The following XYLT1 variants were observed in gnomAD, a reference collection of about 807,000 sequenced individuals.
The protein encoded by XYLT1 is xylosyltransferase 1.
A neutral mutation model predicts 91.3 loss-of-function variants in XYLT1; 36 were observed. The observed-to-expected ratio is 0.39, with a 90% CI of 0.30 to 0.52. The LOEUF (loss-of-function observed/expected upper bound fraction) is 0.52, where lower values mean the gene tolerates loss of function less well. Among genes scored for constraint, XYLT1 ranks in the 20% least tolerant of loss-of-function variants. XYLT1 has a pLI of 0.68. For synonymous variants in XYLT1, 588 were observed against 532.0 expected (o/e 1.11, Z -1.45); for missense variants, 1,242 against 1,284.5 (o/e 0.97, Z 0.51).
At chr16:17,395,685 T>C (rs1378562899) in intron 1 of XYLT1, among the ~76,000 whole-genome samples, 1 of 152,226 alleles carries the variant, frequency 6.6e-6, no homozygotes, top group African/African-American at 2.4e-5. Flanking sequence ...GCCAAACTTC[T>C]AAAGCAGATC....
intron 2 of XYLT1, among the ~76,000 whole-genome samples, chr16:17,276,725 C>G (rs1267935087): frequency 1.3e-5 from 2 of 152,052 alleles, no homozygotes; most frequent in Non-Finnish European, 2.9e-5. Context: ...CGATGGGCAC[C>G]GTCCGATGAA....
chr16:17,329,906 T>A (rs188524071), intron 2 of XYLT1, among the ~76,000 whole-genome samples: 1 of 152,148 alleles, frequency 6.6e-6, no homozygotes. Context: ...AAAAATAGCA[T>A]AGGTTCCAGA....
intron 2 of XYLT1, among the ~76,000 whole-genome samples, chr16:17,315,845 T>A (rs1267312232): frequency 2.0e-5 from 3 of 152,148 alleles, no homozygotes; most frequent in African/African-American, 7.2e-5. Context: ...TTAGATGACC[T>A]TGCCCTGATC....
intron 6 of XYLT1, among the ~76,000 whole-genome samples, chr16:17,143,017 C>T (rs1186726014): frequency 3.3e-5 from 5 of 152,132 alleles, no homozygotes; most frequent in African/African-American, 1.2e-4. Context: ...TAACTATATA[C>T]ATATAATCAT....
At chr16:17,408,231 TG>T (rs1328947196) in intron 1 of XYLT1, among the ~76,000 whole-genome samples, 1 of 152,202 alleles carries the variant, frequency 6.6e-6, no homozygotes, top group Admixed American at 6.5e-5. Flanking sequence ...AAGGAATAAA[TG>T]ATGTTTTGCT....
At chr16:17,131,865 G>A (rs774523077) in intron 9 of XYLT1, among the ~76,000 whole-genome samples, 2 of 152,238 alleles carry the variant, frequency 1.3e-5, no homozygotes, top group Admixed American at 6.5e-5. Context: ...TTGGGATAAG[G>A]GTCTTTTGTC....
At chr16:17,425,612 T>C (rs2036307800) in intron 1 of XYLT1, among the ~76,000 whole-genome samples, 1 of 152,246 alleles carries the variant, frequency 6.6e-6, no homozygotes, top group Admixed American at 6.5e-5. Flanking sequence ...CCTTTGTTAA[T>C]TGTTCATAGG....
intron 2 of XYLT1, among the ~76,000 whole-genome samples, chr16:17,277,979 G>A (rs891850099): frequency 6.6e-6 from 1 of 152,146 alleles, no homozygotes; most frequent in African/African-American, 2.4e-5. Flanking sequence ...AGAGAGGCCG[G>A]CTGCCTGGCT....
intron 1 of XYLT1, among the ~76,000 whole-genome samples, chr16:17,434,265 C>T (rs959910701): frequency 3.3e-5 from 5 of 152,170 alleles, no homozygotes; most frequent in Admixed American, 2.0e-4. Context: ...CAGAATGAAG[C>T]ATGTCCCATC....
chr16:17,117,778 T>C lies in XYLT1; in HGVS notation c.2425A>G (p.Lys809Glu), dbSNP rs147183404. 1.3e-4 allele frequency: 214 copies of C among 1,613,982 alleles called. No individual in the cohort carries two copies. Among genetic ancestry groups the C allele is most frequent in the Non-Finnish European group, 1.5e-4 (181 of 1,180,016 alleles). The change falls in exon 11 of 12, where the codon AAG becomes GAG. Residue 809 changes from lysine (K) to glutamate (E), a missense_variant. Physicochemically the swap from Lys to Glu is moderately conservative, Grantham distance 56. Coordinates refer to ENST00000261381, the MANE Select transcript of XYLT1 (RefSeq NM_022166.4). Reference protein sequence around the residue: ...IESTAEFTHYKPPLNLPLRPG... With the variant: ...IESTAEFTHYEPPLNLPLRPG... ...CTCAGGGGCAAGTTCAAAGGGGGCT[T>C]GTAGTGTGTGAATTCGGCAGTGGAC...
intron 1 of XYLT1, among the ~76,000 whole-genome samples, chr16:17,365,516 C>T (rs1266789651): frequency 6.6e-6 from 1 of 152,180 alleles, no homozygotes; most frequent in African/African-American, 2.4e-5. Context: ...AAATAGGGCT[C>T]AGGGGAGAAA....
chr16:17,265,594 GAA>G (rs1167014466), intron 2 of XYLT1, among the ~76,000 whole-genome samples: 1 of 152,200 alleles, frequency 6.6e-6, no homozygotes, highest in Non-Finnish European at 1.5e-5. Context: ...TTATTCTGGA[GAA>G]ATAATTAAAT....
chr16:17,257,469 C>G (rs566469090), intron 3 of XYLT1, among the ~76,000 whole-genome samples: 3 of 152,168 alleles, frequency 2.0e-5, no homozygotes, highest in Admixed American at 2.0e-4. Flanking sequence ...ACTGAGCAAA[C>G]GAATTCACAA....
chr16:17,387,487 G>A (rs991339579), intron 1 of XYLT1, among the ~76,000 whole-genome samples: 5 of 152,144 alleles, frequency 3.3e-5, no homozygotes, highest in Non-Finnish European at 7.4e-5. Context: ...GGGCACCTTG[G>A]GAGAGGAGCT....
chr16:17,197,014 A>AATATATATATATATATATAT (rs536988187), intron 5 of XYLT1, among the ~76,000 whole-genome samples: 1,161 of 109,826 alleles, frequency 0.011, 29 homozygotes, highest in Middle Eastern at 0.019. Context: ...CTGTCTCCAA[A>AATATATATATATATATATAT]ATATATATAT....
intron 3 of XYLT1, among the ~76,000 whole-genome samples, chr16:17,224,050 A>G (rs527276128): frequency 6.7e-4 from 102 of 152,376 alleles, no homozygotes; most frequent in Middle Eastern, 3.4e-3. Context: ...AGACCTCGCT[A>G]GCTCTGTTAT....
chr16:17,419,614 T>C (rs1031956192), intron 1 of XYLT1, among the ~76,000 whole-genome samples: 3 of 152,246 alleles, frequency 2.0e-5, no homozygotes, highest in African/African-American at 7.2e-5. Context: ...TGCCTTTGAC[T>C]GAAATGACTC....
chr16:17,455,312 T>G (rs1282265220), intron 1 of XYLT1, among the ~76,000 whole-genome samples: 1 of 152,188 alleles, frequency 6.6e-6, no homozygotes, highest in East Asian at 1.9e-4. Flanking sequence ...CAAGAGAAGT[T>G]TAGCAAGTTT....
rs548642063 is a variant in XYLT1, at chr16:17,271,836, C to T, written c.403-12338G>A. ...CTCAAATCCTGTTCCCATTCAGAAA[C>T]AGCCTTTCTTTCCCTCATTTTCCAA... On this transcript the variant is annotated intron_variant, in intron 2 of 11. Transcript: ENST00000261381. 3.9e-5 allele frequency among the ~76,000 whole-genome samples: 6 copies of T among 152,316 alleles called. No individual in the cohort carries two copies. In the South Asian group the frequency reaches 1.2e-3, roughly 32 times the overall value.
Sources: allele counts gnomAD v4.1 joint callset (sites outside exome capture counted in the v4.1 genomes callset), GRCh38; gene constraint gnomAD v4.1.1; transcripts MANE v1.5; gene names NCBI Gene and HGNC (gene_info 2026-07-23, HGNC 2026-07-21).